Variants in ALKAL1 observed in about 807,000 individuals in gnomAD.
ALKAL1 encodes the protein ALK and LTK ligand 1.
ALKAL1 carries 23 observed loss-of-function variants against 13.5 expected under a neutral mutation model. The observed-to-expected ratio is 1.70, with a 90% CI of 1.23 to 2.41. The LOEUF is 2.41. Ranked by LOEUF, ALKAL1 falls within the 30% of genes most tolerant of loss-of-function variation. The pLI is 0.00. For missense variants in ALKAL1, 181 were observed against 178.4 expected (o/e 1.01, Z -0.08); for synonymous variants, 85 against 77.7 (o/e 1.09, Z -0.49).
intron 4 of ALKAL1, among the ~76,000 whole-genome samples, chr8:52,535,832 G>A (rs1241268402): frequency 6.6e-6 from 1 of 152,166 alleles, no homozygotes; most frequent in Non-Finnish European, 1.5e-5. Context: ...ACAAAACTGT[G>A]AGATAGTTTA....
intron 1 of ALKAL1, among the ~76,000 whole-genome samples, chr8:52,550,995 T>C (rs769505138): frequency 8.5e-5 from 13 of 152,176 alleles, no homozygotes; most frequent in Non-Finnish European, 1.8e-4. Flanking sequence ...ATGTATGAAA[T>C]CTGAATTCAC....
At chr8:52,545,488 AC>A (rs147648991) in intron 1 of ALKAL1, among the ~76,000 whole-genome samples, 270 of 147,430 alleles carry the variant, frequency 1.8e-3, no homozygotes, top group Middle Eastern at 0.011. Context: ...TTGACCTGGA[AC>A]CCCCCCCACA....
intron 1 of ALKAL1, among the ~76,000 whole-genome samples, chr8:52,554,802 T>G (rs890587155): frequency 2.0e-5 from 3 of 152,090 alleles, no homozygotes; most frequent in African/African-American, 7.2e-5. Context: ...AAAGCAAGAA[T>G]AACTGGAATC....
intron 1 of ALKAL1, among the ~76,000 whole-genome samples, chr8:52,555,079 G>A (rs1174173463): frequency 6.6e-6 from 1 of 151,954 alleles, no homozygotes; most frequent in Non-Finnish European, 1.5e-5. Context: ...GCTGAGGCAG[G>A]AGAATGGTGT....
chr8:52,546,279 T>A (rs1409032636), intron 1 of ALKAL1, among the ~76,000 whole-genome samples: 1 of 152,158 alleles, frequency 6.6e-6, no homozygotes, highest in Non-Finnish European at 1.5e-5. Context: ...CATGCCCACA[T>A]CCATTTGTTT....
At chr8:52,562,214 G>A (rs1269718601) in intron 1 of ALKAL1, among the ~76,000 whole-genome samples, 1 of 152,114 alleles carries the variant, frequency 6.6e-6, no homozygotes, top group Non-Finnish European at 1.5e-5. Flanking sequence ...ACACTGTCAG[G>A]GGCACTAATA....
chr8:52,564,072 T>A (rs1188150533), intron 1 of ALKAL1, among the ~76,000 whole-genome samples: 1 of 152,230 alleles, frequency 6.6e-6, no homozygotes, highest in African/African-American at 2.4e-5. Context: ...CCATAAAGCC[T>A]GAGGAGAAGG....
At chr8:52,539,096 G>C (rs1211456988) in intron 3 of ALKAL1, among the ~76,000 whole-genome samples, 1 of 151,816 alleles carries the variant, frequency 6.6e-6, no homozygotes. Flanking sequence ...CTGGCCTTTT[G>C]TTTAAAAGTT....
At chr8:52,553,865 C>T (rs886816303) in intron 1 of ALKAL1, among the ~76,000 whole-genome samples, 14 of 152,054 alleles carry the variant, frequency 9.2e-5, no homozygotes, top group African/African-American at 3.4e-4. Context: ...TAGTTAATCC[C>T]CCTTCCAGAT....
At chr8:52,563,020 C>A (rs542060313) in intron 1 of ALKAL1, among the ~76,000 whole-genome samples, 2 of 152,250 alleles carry the variant, frequency 1.3e-5, no homozygotes, top group East Asian at 1.9e-4. Flanking sequence ...GTATAGCAAT[C>A]AAAAAATTAG....
intron 1 of ALKAL1, among the ~76,000 whole-genome samples, chr8:52,559,795 T>C (rs914053494): frequency 5.9e-5 from 9 of 152,186 alleles, no homozygotes; most frequent in African/African-American, 2.2e-4. Context: ...AATAAGACAA[T>C]AGGTCTGCTT....
chr8:52,557,992 G>A (rs1419831695), intron 1 of ALKAL1, among the ~76,000 whole-genome samples: 2 of 146,822 alleles, frequency 1.4e-5, no homozygotes, highest in Non-Finnish European at 3.0e-5. Flanking sequence ...AGAAGAAGAA[G>A]TATAAAATGT....
chr8:52,547,155 C>T (rs1251313717), intron 1 of ALKAL1, among the ~76,000 whole-genome samples: 12 of 152,194 alleles, frequency 7.9e-5, no homozygotes, highest in East Asian at 5.8e-4. Context: ...ACTAGATGCA[C>T]GCAGTAGTTT....
intron 1 of ALKAL1, among the ~76,000 whole-genome samples, chr8:52,548,744 G>A (rs1442888096): frequency 6.6e-6 from 1 of 152,012 alleles, no homozygotes; most frequent in East Asian, 1.9e-4. Context: ...CATTATCTTG[G>A]AACAATTTGA....
intron 4 of ALKAL1, among the ~76,000 whole-genome samples, chr8:52,535,948 T>C (rs941172623): frequency 1.3e-5 from 2 of 152,118 alleles, no homozygotes; most frequent in African/African-American, 4.8e-5. Flanking sequence ...ATGACCATTT[T>C]TTTTTTTTGA....
chr8:52,554,413 C>A (rs1432649124), intron 1 of ALKAL1, among the ~76,000 whole-genome samples: 1 of 152,172 alleles, frequency 6.6e-6, no homozygotes. Context: ...TATCAACAAA[C>A]AAAGCAACTG....
chr8:52,563,676 C>CA (rs1204951857), intron 1 of ALKAL1, among the ~76,000 whole-genome samples: 5 of 152,202 alleles, frequency 3.3e-5, no homozygotes, highest in Non-Finnish European at 1.5e-5. Context: ...GATCTGTGTG[C>CA]ACCATTGCTG....
At chr8:52,556,299 A>G (rs1383726478) in intron 1 of ALKAL1, among the ~76,000 whole-genome samples, 1 of 152,166 alleles carries the variant, frequency 6.6e-6, no homozygotes, top group Non-Finnish European at 1.5e-5. Flanking sequence ...AAAATAGAAT[A>G]AGCACTCCAT....
chr8:52,540,805 G>A lies in ALKAL1; in HGVS notation c.245-894C>T, dbSNP rs140364675. Among the ~76,000 whole-genome samples the A allele has an allele frequency of 1.3e-3, 197 of 152,204 alleles. 2 individuals carry two copies. In the South Asian group the frequency reaches 0.016, roughly 13 times the overall value. ...TCCCTCCCTCTGGAGTCTGCTTCTC[G>A]TGGGGTCTACGGTCATGTCGCTCAC... On this transcript the variant is annotated intron_variant, in intron 2 of 4. Transcript: ENST00000358543.
Sources: gnomAD v4.1 joint callset for allele counts (sites outside exome capture counted in the v4.1 genomes callset) on GRCh38, gnomAD v4.1.1 for gene constraint, MANE v1.5 for transcripts, NCBI Gene and HGNC (gene_info 2026-07-23, HGNC 2026-07-21) for gene names.